Variants in NTNG1 observed in about 807,000 individuals in gnomAD.
NTNG1 encodes netrin-G1.
In NTNG1, 16 loss-of-function variants were observed where a neutral mutation model predicts 54.0. That is an observed-to-expected ratio of 0.30 (90% CI 0.20 to 0.45). The LOEUF is 0.45. NTNG1 is among the 20% of genes least tolerant of loss of function. The pLI, the probability that NTNG1 is intolerant of heterozygous loss-of-function variation, is 1.00. For synonymous variants in NTNG1, 255 were observed against 263.1 expected (o/e 0.97, Z 0.30); for missense variants, 530 against 678.7 (o/e 0.78, Z 2.43).
rs555673753 is a variant in NTNG1, at chr1:107,457,533, G to C, written c.1390+20734G>C. Among the ~76,000 whole-genome samples, 5 of 152,264 alleles carry C rather than the reference G, an allele frequency of 3.3e-5. No individual in the cohort carries two copies. In the South Asian group the frequency reaches 1.0e-3, roughly 32 times the overall value. ...TCATGCTAAATTAAAACATATATGT[G>C]TCTATCCAATATTCATGTAATGCTC... On this transcript the variant is annotated intron_variant, in intron 7 of 7. Transcript: ENST00000370068.
intron 3 of NTNG1, among the ~76,000 whole-genome samples, chr1:107,336,444 C>T (rs1668583695): frequency 6.6e-6 from 1 of 151,796 alleles, no homozygotes; most frequent in African/African-American, 2.4e-5. Context: ...AAGTTGGACC[C>T]TTACCTTACA....
At chr1:107,202,124 T>G (rs1658802275) in intron 2 of NTNG1, among the ~76,000 whole-genome samples, 1 of 151,882 alleles carries the variant, frequency 6.6e-6, no homozygotes. Context: ...CTTTTTATTG[T>G]TTTGCCTTTT....
intron 7 of NTNG1, among the ~76,000 whole-genome samples, chr1:107,479,528 G>A (rs1244726660): frequency 6.6e-6 from 1 of 152,092 alleles, no homozygotes; most frequent in Admixed American, 6.6e-5. Context: ...TACTTTTTCT[G>A]CTCTGTTCCC....
chr1:107,183,729 T>C (rs367769937), intron 2 of NTNG1, among the ~76,000 whole-genome samples: 1 of 152,126 alleles, frequency 6.6e-6, no homozygotes, highest in Non-Finnish European at 1.5e-5. Context: ...CCGAATGAGC[T>C]AAGGAGATTG....
chr1:107,330,092 CT>C (rs1012220615), intron 3 of NTNG1, among the ~76,000 whole-genome samples: 1 of 151,916 alleles, frequency 6.6e-6, no homozygotes, highest in Non-Finnish European at 1.5e-5. Flanking sequence ...AATGGATATC[CT>C]AGGCAGACAA....
intron 2 of NTNG1, among the ~76,000 whole-genome samples, chr1:107,238,615 G>C (rs193197022): frequency 6.6e-6 from 1 of 152,182 alleles, no homozygotes; most frequent in Admixed American, 6.5e-5. Context: ...TCTCTCCTGC[G>C]CTGTATCTGT....
intron 3 of NTNG1, among the ~76,000 whole-genome samples, chr1:107,344,940 A>G (rs1032038496): frequency 2.1e-4 from 32 of 152,318 alleles, no homozygotes; most frequent in Admixed American, 9.8e-4. Flanking sequence ...TGAATAAAAC[A>G]TCTAGTTTTC....
intron 3 of NTNG1, among the ~76,000 whole-genome samples, chr1:107,354,448 G>A (rs1490356497): frequency 3.7e-5 from 4 of 108,336 alleles, no homozygotes; most frequent in East Asian, 3.0e-4. Flanking sequence ...CAGCCTGGAC[G>A]ACAAACTGAG....
chr1:107,329,777 A>G (rs1381187563), intron 3 of NTNG1, among the ~76,000 whole-genome samples: 1 of 152,034 alleles, frequency 6.6e-6, no homozygotes, highest in Non-Finnish European at 1.5e-5. Context: ...GTCATCCATA[A>G]ATACTTATCC....
At chr1:107,374,518 A>T (rs1671112869) in intron 3 of NTNG1, among the ~76,000 whole-genome samples, 1 of 152,170 alleles carries the variant, frequency 6.6e-6, no homozygotes, top group East Asian at 1.9e-4. Flanking sequence ...CATTCAGTGT[A>T]TCTTTTTTTA....
At chr1:107,279,774 C>T (rs1436622334) in intron 2 of NTNG1, among the ~76,000 whole-genome samples, 1 of 151,986 alleles carries the variant, frequency 6.6e-6, no homozygotes, top group Non-Finnish European at 1.5e-5. Context: ...AAGCATTACT[C>T]CATTGGCTTT....
At chr1:107,248,261 A>G (rs1458365680) in intron 2 of NTNG1, among the ~76,000 whole-genome samples, 1 of 152,058 alleles carries the variant, frequency 6.6e-6, no homozygotes, top group Non-Finnish European at 1.5e-5. Flanking sequence ...TGGGGTCTTG[A>G]CTCCTGAATG....
chr1:107,378,731 T>C (rs1044791864), intron 3 of NTNG1, among the ~76,000 whole-genome samples: 2 of 151,824 alleles, frequency 1.3e-5, no homozygotes, highest in South Asian at 2.1e-4. Flanking sequence ...TAGCTGAGAG[T>C]GTCTTGACGG....
At chr1:107,440,382 G>GCTTCTCCACT (rs1675893783) in intron 7 of NTNG1, among the ~76,000 whole-genome samples, 1 of 152,150 alleles carries the variant, frequency 6.6e-6, no homozygotes, top group Admixed American at 6.5e-5. Context: ...AGAGACCAGG[G>GCTTCTCCACT]TCTGAATCCC....
intron 2 of NTNG1, among the ~76,000 whole-genome samples, chr1:107,214,828 G>A (rs1378805248): frequency 1.4e-5 from 2 of 147,866 alleles, no homozygotes; most frequent in Admixed American, 1.3e-4. Context: ...GGCCATTCTT[G>A]CAGGAGTGAG....
chr1:107,193,829 T>G (rs1173026694), intron 2 of NTNG1, among the ~76,000 whole-genome samples: 5 of 152,074 alleles, frequency 3.3e-5, no homozygotes, highest in Admixed American at 2.0e-4. Flanking sequence ...CCTCAATTCC[T>G]TCCTTCTTTT....
chr1:107,269,908 C>G (rs554609675), intron 2 of NTNG1, among the ~76,000 whole-genome samples: 110 of 152,342 alleles, frequency 7.2e-4, no homozygotes, highest in Non-Finnish European at 1.3e-3. Flanking sequence ...TACGGATGCC[C>G]TCACAATAGT....
chr1:107,401,386 C>CTGTGG (rs1553240433), intron 4 of NTNG1, among the ~76,000 whole-genome samples: 1 of 152,146 alleles, frequency 6.6e-6, no homozygotes. Flanking sequence ...AACCACTGAT[C>CTGTGG]TATTGTCTGT....
chr1:107,270,936 A>G (rs1664105362), intron 2 of NTNG1, among the ~76,000 whole-genome samples: 1 of 152,140 alleles, frequency 6.6e-6, no homozygotes, highest in Non-Finnish European at 1.5e-5. Context: ...GATTCTGATG[A>G]TAAAGGAATT....
Sources: allele counts gnomAD v4.1 joint callset (sites outside exome capture counted in the v4.1 genomes callset), GRCh38; gene constraint gnomAD v4.1.1; transcripts MANE v1.5; gene names NCBI Gene and HGNC (gene_info 2026-07-23, HGNC 2026-07-21).